The following RALGAPA2 variants were observed in gnomAD, a reference collection of about 807,000 sequenced individuals.
The protein encoded by RALGAPA2 is ral GTPase-activating protein subunit alpha-2.
In RALGAPA2, 139 loss-of-function variants were observed where a neutral mutation model predicts 230.4. That is an observed-to-expected ratio of 0.60 (90% CI 0.53 to 0.69). The LOEUF is 0.69. Ranked by LOEUF, RALGAPA2 falls within the 30% of genes least tolerant of loss-of-function variation. The probability of loss-of-function intolerance (pLI) is 0.00; values close to 1 mark genes in which losing one functional copy is unlikely to be tolerated. For missense variants in RALGAPA2, 2,163 were observed against 2,276.0 expected, an observed-to-expected ratio of 0.95 and a Z score of 1.01; for synonymous variants, 847 against 837.8, an observed-to-expected ratio of 1.01 and a Z score of -0.19.
intron 1 of RALGAPA2, among the ~76,000 whole-genome samples, chr20:20,702,052 AAAAG>A (rs1323633284): frequency 1.6e-4 from 24 of 151,946 alleles, no homozygotes; most frequent in African/African-American, 3.1e-4. Flanking sequence ...TAAAAAAAAA[AAAAG>A]AAAGAAAGAA....
At chr20:20,566,385 C>T (rs1055680475) in intron 23 of RALGAPA2, among the ~76,000 whole-genome samples, 11 of 152,150 alleles carry the variant, frequency 7.2e-5, no homozygotes, top group African/African-American at 2.7e-4. Flanking sequence ...ATGTATCAAT[C>T]GGTATGTCTG....
chr20:20,488,781 T>C (rs1033534432), intron 36 of RALGAPA2, among the ~76,000 whole-genome samples: 4 of 152,194 alleles, frequency 2.6e-5, no homozygotes, highest in African/African-American at 9.7e-5. Context: ...AACCATTTAT[T>C]TACTTATTTA....
At chr20:20,624,340 A>G (rs1171402196) in intron 10 of RALGAPA2, among the ~76,000 whole-genome samples, 1 of 151,500 alleles carries the variant, frequency 6.6e-6, no homozygotes, top group African/African-American at 2.4e-5. Flanking sequence ...AAAAAAAAAA[A>G]AAAAAAAAAG....
At chr20:20,650,783 C>A (rs188274781) in intron 4 of RALGAPA2, among the ~76,000 whole-genome samples, 1 of 152,178 alleles carries the variant, frequency 6.6e-6, no homozygotes, top group Non-Finnish European at 1.5e-5. Flanking sequence ...ACAACTCAGT[C>A]AAGACCCGGA....
In RALGAPA2 at chr20:20,597,006, C is replaced by T. The variant is rs190678070; in HGVS notation, c.2203+4676G>A. Among the ~76,000 whole-genome samples, 433 of 152,122 alleles carry T rather than the reference C, an allele frequency of 2.8e-3. 13 individuals are homozygous for T. Among genetic ancestry groups the T allele is most frequent in the Admixed American group, 0.026 (402 of 15,284 alleles). On this transcript the variant is annotated intron_variant, in intron 16 of 39. Coordinates refer to ENST00000202677, the MANE Select transcript of RALGAPA2 (RefSeq NM_020343.4). ...ATTTAACTTCAGTTGGAACTGTATA[C>T]GTATATACAGGAACCAAGAGTCTTA...
chr20:20,699,150 T>C (rs530578598), intron 1 of RALGAPA2, among the ~76,000 whole-genome samples: 44 of 152,364 alleles, frequency 2.9e-4, no homozygotes, highest in African/African-American at 1.0e-3. Context: ...ATGTATTATG[T>C]ATGTAACTAT....
rs147905625 is a variant in RALGAPA2 at position 20,513,359 on chromosome 20, G to A, written c.4085-75C>T. 3.2e-5 allele frequency: 38 copies of A among 1,198,300 alleles called. No individual in the cohort carries two copies. In the African/African-American group the frequency reaches 3.3e-4, roughly 10 times the overall value. The allele number at this position is 1,198,300 out of a possible 1,614,324, so 74.2% of individuals were successfully genotyped here. ...AAAACTCAACACCTTTTTTTTGGGT[G>A]GGGGGCAGGGGGCAGTTCCAATATG... On this transcript the variant is annotated intron_variant, in intron 31 of 39. Coordinates refer to ENST00000202677, the MANE Select transcript of RALGAPA2 (RefSeq NM_020343.4).
chr20:20,592,491 C>T (rs1392979840), intron 16 of RALGAPA2, among the ~76,000 whole-genome samples: 1 of 152,230 alleles, frequency 6.6e-6, no homozygotes, highest in South Asian at 2.1e-4. Flanking sequence ...GACCTGCTCC[C>T]TGGCCCTGCA....
At chr20:20,433,741 T>G (rs117898064) in intron 37 of RALGAPA2, among the ~76,000 whole-genome samples, 1 of 151,932 alleles carries the variant, frequency 6.6e-6, no homozygotes, top group East Asian at 1.9e-4. Context: ...ATAAATGAGA[T>G]AGTCTGGATG....
chr20:20,424,925 A>G (rs1365887292), intron 37 of RALGAPA2, among the ~76,000 whole-genome samples: 1 of 152,224 alleles, frequency 6.6e-6, no homozygotes, highest in Non-Finnish European at 1.5e-5. Context: ...TGTTTCTATC[A>G]TCACTGACTC....
intron 38 of RALGAPA2, among the ~76,000 whole-genome samples, chr20:20,406,956 CT>C (rs1335907693): frequency 6.6e-6 from 1 of 152,140 alleles, no homozygotes; most frequent in East Asian, 1.9e-4. Context: ...TGACTCTGGC[CT>C]TTAGTATGAA....
intron 16 of RALGAPA2, among the ~76,000 whole-genome samples, chr20:20,598,037 C>A (rs1018861133): frequency 2.6e-5 from 4 of 151,924 alleles, no homozygotes; most frequent in Non-Finnish European, 5.9e-5. Flanking sequence ...GTAAGTAGGC[C>A]AAAAATGACT....
chr20:20,581,829 TA>T (rs1003027253), intron 20 of RALGAPA2, among the ~76,000 whole-genome samples: 129 of 148,434 alleles, frequency 8.7e-4, no homozygotes, highest in African/African-American at 1.4e-3. Context: ...TTGCTTGGTT[TA>T]AAAAAAAAAA....
chr20:20,417,603 C>A (rs1449128120), intron 37 of RALGAPA2, among the ~76,000 whole-genome samples: 1 of 152,168 alleles, frequency 6.6e-6, no homozygotes, highest in African/African-American at 2.4e-5. Context: ...AGTTAACATT[C>A]ACAGGTTCCA....
chr20:20,425,595 T>C (rs953625216), intron 37 of RALGAPA2, among the ~76,000 whole-genome samples: 16 of 152,196 alleles, frequency 1.1e-4, no homozygotes, highest in Admixed American at 1.0e-3. Context: ...GTTTACCAAA[T>C]GAAAGTGACT....
At chr20:20,659,818 A>G in intron 3 of RALGAPA2, 1 of 817,712 alleles carries the variant, frequency 1.2e-6, no homozygotes, top group Non-Finnish European at 2.0e-6. Flanking sequence ...ACAAGACAAG[A>G]ATCAGAGCAG....
At chr20:20,520,833 T>TAA in intron 31 of RALGAPA2, 84 bp downstream of exon 31, 1 of 1,163,066 alleles carries the variant, frequency 8.6e-7, no homozygotes, top group African/African-American at 1.6e-5. Context: ...ACAACTAGAT[T>TAA]AAAAAAAAAT....
chr20:20,631,826 C>T (rs1332137731), intron 9 of RALGAPA2, among the ~76,000 whole-genome samples: 1 of 152,148 alleles, frequency 6.6e-6, no homozygotes, highest in Non-Finnish European at 1.5e-5. Flanking sequence ...CAGTCAACTG[C>T]AGGGTATGAT....
At chr20:20,564,668 C>G (rs1239075874) in intron 23 of RALGAPA2, among the ~76,000 whole-genome samples, 1 of 152,180 alleles carries the variant, frequency 6.6e-6, no homozygotes, top group Non-Finnish European at 1.5e-5. Flanking sequence ...CTCTCTAGCC[C>G]AATTCATTCA....
Sources: gnomAD v4.1 joint callset for allele counts (sites outside exome capture counted in the v4.1 genomes callset) on GRCh38, gnomAD v4.1.1 for gene constraint, MANE v1.5 for transcripts, NCBI Gene and HGNC (gene_info 2026-07-23, HGNC 2026-07-21) for gene names.